Variants in RNF32 observed in about 807,000 individuals in gnomAD.
RNF32 encodes the protein ring finger protein 32.
A neutral mutation model predicts 41.0 loss-of-function variants in RNF32; 36 were observed. The observed-to-expected ratio is 0.88, with a 90% confidence interval of 0.67 to 1.16. RNF32 has a LOEUF of 1.16. Among genes scored for constraint, RNF32 ranks in the 50% most tolerant of loss-of-function variants. The probability of loss-of-function intolerance (pLI) is 0.00; values close to 1 mark genes in which losing one functional copy is unlikely to be tolerated. For missense variants in RNF32, 413 were observed against 436.7 expected, an observed-to-expected ratio of 0.95 and a Z score of 0.48; for synonymous variants, 154 against 160.9, an observed-to-expected ratio of 0.96 and a Z score of 0.32.
chr7:156,657,500 C>A (rs767103183), intron 4 of RNF32, 41 bp from the exon 5 acceptor site: 26 of 1,609,070 alleles, frequency 1.6e-5, no homozygotes, highest in Middle Eastern at 3.3e-4. Context: ...TGCTGCTTCT[C>A]TTTTGTAAAC....
chr7:156,668,379 C>G (rs1455124693), intron 7 of RNF32, among the ~76,000 whole-genome samples: 1 of 152,170 alleles, frequency 6.6e-6, no homozygotes, highest in East Asian at 1.9e-4. Context: ...CCATAAGATT[C>G]ACACAGGAAA....
rs927655900 is a variant in RNF32, at chr7:156,670,032, G to GT, written c.685-5656dup. On this transcript the variant is annotated intron_variant, in intron 7 of 8. Transcript: ENST00000317955. The surrounding 1 kb of genome is among the most constrained non-coding windows in gnomAD (Gnocchi z 4.3). ...GGCCTCTCTCTCCAGTGGTCATGTA[G>GT]TTTTTTTTATTTGCTGTTTATTTAA... Among the ~76,000 whole-genome samples the GT allele has an allele frequency of 4.6e-5, 7 of 152,166 alleles. No individual in the cohort carries two copies. Among genetic ancestry groups the GT allele is most frequent in the Admixed American group, 6.5e-5 (1 of 15,290 alleles).
chr7:156,662,342 A>G (rs1005363308), intron 7 of RNF32, among the ~76,000 whole-genome samples: 2 of 152,236 alleles, frequency 1.3e-5, no homozygotes, highest in Non-Finnish European at 2.9e-5. Context: ...CTGCATATTT[A>G]ATGGAATCCA....
intron 7 of RNF32, chr7:156,659,206 G>T: frequency 8.8e-7 from 1 of 1,136,834 alleles, no homozygotes; most frequent in Non-Finnish European, 1.1e-6. Context: ...TCATATGAAA[G>T]CCATCACTTC....
chr7:156,660,439 CTG>C (rs1800459913), intron 7 of RNF32: 1 of 302,672 alleles, frequency 3.3e-6, no homozygotes, highest in African/African-American at 2.3e-5. Flanking sequence ...AGCTGAATAT[CTG>C]TGAAGAAACT....
At chr7:156,656,922 CCTT>C (rs780404174) in intron 4 of RNF32, among the ~76,000 whole-genome samples, 3 of 152,198 alleles carry the variant, frequency 2.0e-5, no homozygotes, top group Non-Finnish European at 4.4e-5. Context: ...GTACCCACTG[CCTT>C]CTTCTTCATT....
rs74606075 is a variant in RNF32, at chr7:156,661,773, A to C, written c.684+3203A>C. On this transcript the variant is annotated intron_variant, in intron 7 of 8. Transcript: ENST00000317955. ...GTTTCCAAAGTGCTGGGCCTACTAC[A>C]TTAATGTTATGGGTCACTGATGGGT... 1.5e-3 allele frequency among the ~76,000 whole-genome samples: 235 copies of C among 152,338 alleles called. 1 individual carries two copies. Among genetic ancestry groups the C allele is most frequent in the African/African-American group, 5.4e-3 (223 of 41,582 alleles).
At chr7:156,646,428 T>C in intron 3 of RNF32, 1 of 1,303,934 alleles carries the variant, frequency 7.7e-7, no homozygotes, top group Non-Finnish European at 1.0e-6. Context: ...GGTGTGATTG[T>C]ACTCTCCCTT....
At chr7:156,645,375 G>A (rs1797849609) in intron 3 of RNF32, among the ~76,000 whole-genome samples, 1 of 152,182 alleles carries the variant, frequency 6.6e-6, no homozygotes, top group South Asian at 2.1e-4. Context: ...TCACTTCTGT[G>A]GCATTCTTAC....
chr7:156,657,396 T>C (rs972256135), intron 4 of RNF32, 145 bp from the exon 5 acceptor site: 1 of 743,642 alleles, frequency 1.3e-6, no homozygotes, highest in Admixed American at 2.1e-5. Context: ...AAACAAACAA[T>C]AAATAGTATA....
intron 2 of RNF32, 127 bp downstream of exon 2, chr7:156,644,019 G>T (rs112053697): frequency 3.7e-6 from 3 of 800,410 alleles, no homozygotes; most frequent in African/African-American, 1.7e-5. Flanking sequence ...GCAGGAATGG[G>T]CGATGCCAAG....
At chr7:156,654,221 C>T (rs528003621) in intron 3 of RNF32, 2 of 156,962 alleles carry the variant, frequency 1.3e-5, no homozygotes, top group East Asian at 3.6e-4. Flanking sequence ...TAAAAAATAA[C>T]AATACAACAA....
chr7:156,658,658 T>C lies in RNF32; in HGVS notation c.684+88T>C. The C allele has an allele frequency of 4.5e-6, 4 of 888,386 alleles. No individual in the cohort carries two copies. In the East Asian group the frequency reaches 1.0e-4, roughly 23 times the overall value. 55.0% of individuals were successfully genotyped at this position (888,386 alleles called of 1,614,324 possible). ...GGAAGGCTAACAGAGGTGGTAAAAC[T>C]TTGAGACTTACTTCACTTTGAGGGC... is the stretch of plus-strand genomic sequence containing the variant. On this transcript the variant is annotated intron_variant, in intron 7 of 8. Transcript: ENST00000317955.
In RNF32 at chr7:156,658,261, G is replaced by T. The variant is rs1411844824; in HGVS notation, c.575+9G>T. On this transcript the variant is annotated intron_variant, in intron 6 of 8. Coordinates refer to ENST00000317955, the MANE Select transcript of RNF32 (RefSeq NM_030936.4). ...ATCAAGTGTGTGACCAGGTGAGGAC[G>T]CCAGGCCCGTTTGGCGCTAAGCAGA... The T allele has an allele frequency of 1.9e-6, 3 of 1,612,480 alleles. No homozygotes were observed. Among genetic ancestry groups the T allele is most frequent in the Non-Finnish European group, 2.5e-6 (3 of 1,179,590 alleles).
intron 3 of RNF32, among the ~76,000 whole-genome samples, chr7:156,652,396 A>G (rs774816980): frequency 1.3e-5 from 2 of 152,042 alleles, no homozygotes; most frequent in Non-Finnish European, 2.9e-5. Context: ...TTTCTTTAAA[A>G]TTTTTACTCC....
rs909754564 is a variant in RNF32, at chr7:156,669,949, G to C, written c.685-5747G>C. Among the ~76,000 whole-genome samples the C allele has an allele frequency of 6.6e-6, 1 of 152,180 alleles. No homozygotes were observed. The highest frequency in any genetic ancestry group is 2.4e-5 in the African/African-American group (1 of 41,452). On this transcript the variant is annotated intron_variant, in intron 7 of 8. Coordinates refer to ENST00000317955, the MANE Select transcript of RNF32 (RefSeq NM_030936.4). This position sits in a 1 kb window ranked among gnomAD's most constrained non-coding sequence, Gnocchi z 4.2. ...AACACAGATCCCTGTTTAAAAGAAAGAAAACATGGGAAAGTGCCATCCAAG... is the reference window on the plus strand; with the variant it reads ...AACACAGATCCCTGTTTAAAAGAAACAAAACATGGGAAAGTGCCATCCAAG...
At chr7:156,673,709 T>C (rs1483750703) in intron 7 of RNF32, among the ~76,000 whole-genome samples, 1 of 152,126 alleles carries the variant, frequency 6.6e-6, no homozygotes. Context: ...CCTCTCATCC[T>C]TAAAGCCAAT....
intron 7 of RNF32, 147 bp downstream of exon 7, chr7:156,658,717 C>A (rs1413854487): frequency 6.6e-6 from 5 of 762,772 alleles, no homozygotes; most frequent in Non-Finnish European, 1.1e-5. Flanking sequence ...GCTAAAAATC[C>A]TGTTTAACTT....
chr7:156,647,131 C>T (rs1182344643), intron 3 of RNF32, among the ~76,000 whole-genome samples: 5 of 152,062 alleles, frequency 3.3e-5, no homozygotes, highest in Admixed American at 6.5e-5. Flanking sequence ...GGATTAAAGG[C>T]GTGAGTCACC....
Sources: gnomAD v4.1 joint callset for allele counts (sites outside exome capture counted in the v4.1 genomes callset) on GRCh38, gnomAD v4.1.1 for gene constraint, Gnocchi (gnomAD v3.1) non-coding constraint, MANE v1.5 for transcripts, NCBI Gene and HGNC (gene_info 2026-07-23, HGNC 2026-07-21) for gene names.